ADAMTS6: variants seen among roughly 807,000 people sequenced by gnomAD.
ADAMTS6 encodes the protein A disintegrin and metalloproteinase with thrombospondin motifs 6.
In ADAMTS6, 23 loss-of-function variants were observed where a neutral mutation model predicts 144.3. That is an observed-to-expected ratio of 0.16 (90% CI 0.11 to 0.23). ADAMTS6 has a LOEUF of 0.23. Ranked by LOEUF, ADAMTS6 falls within the 10% of genes least tolerant of loss-of-function variation. The probability of loss-of-function intolerance (pLI) is 1.00; values close to 1 mark genes in which losing one functional copy is unlikely to be tolerated. For missense variants in ADAMTS6, 999 were observed against 1,379.6 expected (o/e 0.72, Z 4.37); for synonymous variants, 444 against 457.5 (o/e 0.97, Z 0.38).
chr5:65,263,170 C>A (rs1032777205), intron 12 of ADAMTS6, among the ~76,000 whole-genome samples: 5 of 152,086 alleles, frequency 3.3e-5, no homozygotes. Flanking sequence ...ATTTATAAGC[C>A]TCTAACCTGT....
intron 7 of ADAMTS6, among the ~76,000 whole-genome samples, chr5:65,397,067 G>C (rs1413676086): frequency 6.6e-6 from 1 of 152,214 alleles, no homozygotes; most frequent in African/African-American, 2.4e-5. Context: ...AGTTTTAGCA[G>C]ACTGTGTCTT....
intron 24 of ADAMTS6, among the ~76,000 whole-genome samples, chr5:65,159,150 T>A (rs1208928474): frequency 2.0e-5 from 3 of 152,088 alleles, no homozygotes; most frequent in East Asian, 1.9e-4. Flanking sequence ...ATTTTATTAT[T>A]TTCCCCCCAG....
chr5:65,313,182 G>A (rs62369621), intron 9 of ADAMTS6, among the ~76,000 whole-genome samples: 1 of 140,764 alleles, frequency 7.1e-6, no homozygotes, highest in Admixed American at 7.1e-5. Context: ...CACACACAGA[G>A]TTTATTCTGA....
chr5:65,359,901 T>C (rs1164096677), intron 7 of ADAMTS6, among the ~76,000 whole-genome samples: 2 of 152,174 alleles, frequency 1.3e-5, no homozygotes, highest in African/African-American at 4.8e-5. Flanking sequence ...TCAGTTAGGA[T>C]ACATACGTTT....
intron 20 of ADAMTS6, among the ~76,000 whole-genome samples, chr5:65,203,940 C>A (rs947672355): frequency 2.0e-5 from 3 of 152,178 alleles, no homozygotes; most frequent in Non-Finnish European, 2.9e-5. Context: ...GTTTCAGATT[C>A]ACCCAAGTTT....
chr5:65,200,631 AAGC>A (rs1399438485), intron 20 of ADAMTS6, among the ~76,000 whole-genome samples: 1 of 152,188 alleles, frequency 6.6e-6, no homozygotes, highest in Non-Finnish European at 1.5e-5. Context: ...CCCTGGAAAT[AAGC>A]AGATGTTCTG....
intron 3 of ADAMTS6, among the ~76,000 whole-genome samples, chr5:65,463,139 A>T (rs1373572215): frequency 1.3e-5 from 2 of 152,128 alleles, no homozygotes; most frequent in East Asian, 3.8e-4. Flanking sequence ...ACTGATAAAC[A>T]TTAAGAGGGG....
intron 9 of ADAMTS6, among the ~76,000 whole-genome samples, chr5:65,317,139 G>A (rs1230716181): frequency 6.6e-6 from 1 of 152,106 alleles, no homozygotes; most frequent in Non-Finnish European, 1.5e-5. Context: ...ACTTAATTTA[G>A]AAACTTAAAA....
At chr5:65,174,532 C>T (rs1278065105) in intron 22 of ADAMTS6, among the ~76,000 whole-genome samples, 2 of 152,204 alleles carry the variant, frequency 1.3e-5, no homozygotes, top group Admixed American at 6.5e-5. Context: ...CGGGAAGGAA[C>T]TGGCACTTGG....
rs577436102 is a variant in ADAMTS6, at chr5:65,151,384, G to C, written c.*452C>G. 7 of 154,894 alleles carry C rather than the reference G, an allele frequency of 4.5e-5. No homozygotes were observed. Among genetic ancestry groups the C allele is most frequent in the African/African-American group, 1.7e-4 (7 of 41,634 alleles). 9.6% of individuals were successfully genotyped at this position (154,894 alleles called of 1,614,324 possible). ...GATAAAGTACAGTAAATATTTTTAA[G>C]CTATGACTTAAGAATTCTGAACCTT... is the stretch of plus-strand genomic sequence containing the variant. On this transcript the variant is annotated 3_prime_UTR_variant, in exon 25 of 25. Transcript: ENST00000381055.
chr5:65,245,648 T>C (rs1031728182), intron 14 of ADAMTS6, among the ~76,000 whole-genome samples: 1 of 152,156 alleles, frequency 6.6e-6, no homozygotes, highest in African/African-American at 2.4e-5. Context: ...CTTGGAAAAC[T>C]GAATAAAGAT....
chr5:65,278,212 G>T (rs1052701100), intron 11 of ADAMTS6, among the ~76,000 whole-genome samples: 3 of 152,214 alleles, frequency 2.0e-5, no homozygotes, highest in African/African-American at 4.8e-5. Context: ...CAGTTTCTTT[G>T]TTCACTCATT....
intron 4 of ADAMTS6, among the ~76,000 whole-genome samples, chr5:65,459,168 G>A (rs1380292559): frequency 2.6e-5 from 4 of 151,902 alleles, no homozygotes; most frequent in East Asian, 1.9e-4. Context: ...GTGAGCCACC[G>A]CGCCCGGCCT....
intron 15 of ADAMTS6, among the ~76,000 whole-genome samples, chr5:65,238,876 T>C (rs1340689687): frequency 6.6e-6 from 1 of 152,214 alleles, no homozygotes; most frequent in East Asian, 1.9e-4. Flanking sequence ...AATTGATCTA[T>C]AGATTCAACA....
chr5:65,470,177 G>A (rs935979179), intron 3 of ADAMTS6, among the ~76,000 whole-genome samples: 2 of 151,898 alleles, frequency 1.3e-5, no homozygotes, highest in Non-Finnish European at 2.9e-5. Context: ...TCCCATCACG[G>A]CCTCCTAAAA....
At chr5:65,179,752 T>C (rs927889371) in intron 22 of ADAMTS6, among the ~76,000 whole-genome samples, 2 of 152,142 alleles carry the variant, frequency 1.3e-5, no homozygotes, top group Non-Finnish European at 2.9e-5. Flanking sequence ...GAGACAGACA[T>C]GGAAACACAG....
chr5:65,430,811 TGC>T, intron 7 of ADAMTS6, among the ~76,000 whole-genome samples: 1 of 152,276 alleles, frequency 6.6e-6, no homozygotes, highest in African/African-American at 2.4e-5. Flanking sequence ...TTAGAACACA[TGC>T]CATTGTTATT....
At chr5:65,215,023 A>C in intron 19 of ADAMTS6, 91 bp from the exon 20 acceptor site, 1 of 1,469,094 alleles carries the variant, frequency 6.8e-7, no homozygotes, top group Non-Finnish European at 9.1e-7. Context: ...AAAATGTCAA[A>C]ACAAGTCTTA....
In ADAMTS6 at chr5:65,329,226, T is replaced by C. The variant is rs112644613; in HGVS notation, c.1223+152A>G. 5 of 648,730 alleles carry C rather than the reference T, an allele frequency of 7.7e-6. No homozygotes were observed. In the Middle Eastern group the frequency reaches 1.3e-3, roughly 172 times the overall value. The allele number at this position is 648,730 out of a possible 1,614,324, so 40.2% of individuals were successfully genotyped here. ...AACAAGTCTCCAGTTCTTCAGGTGA[T>C]TTATCCCAATACCCACAATAATAAC... On this transcript the variant is annotated intron_variant, in intron 9 of 24. Transcript: ENST00000381055.
Sources: gnomAD v4.1 joint callset for allele counts (sites outside exome capture counted in the v4.1 genomes callset) on GRCh38, gnomAD v4.1.1 for gene constraint, MANE v1.5 for transcripts, NCBI Gene and HGNC (gene_info 2026-07-23, HGNC 2026-07-21) for gene names.